TAF12: variants seen among roughly 807,000 people sequenced by gnomAD.
TAF12 encodes transcription initiation factor TFIID subunit 12.
In TAF12, 3 loss-of-function variants were observed where a neutral mutation model predicts 20.8. The ratio of observed to expected loss-of-function variants is 0.14; its 90% confidence interval spans 0.07 to 0.37. The LOEUF (loss-of-function observed/expected upper bound fraction) is 0.37, where lower values mean the gene tolerates loss of function less well. Ranked by LOEUF, TAF12 falls within the 10% of genes least tolerant of loss-of-function variation. The pLI is 1.00. For missense variants in TAF12, 131 were observed against 197.9 expected, an observed-to-expected ratio of 0.66 and a Z score of 2.03; for synonymous variants, 69 against 70.2, an observed-to-expected ratio of 0.98 and a Z score of 0.09.
chr1:28,646,731 C>T (rs1245422692), upstream of TAF12, among the ~76,000 whole-genome samples: 1 of 143,778 alleles, frequency 7.0e-6, no homozygotes, highest in Non-Finnish European at 1.5e-5. Context: ...CAGAGTCTCA[C>T]TCTGTCGCCC....
At chr1:28,641,868 A>T (rs187289431) in intron 1 of TAF12, among the ~76,000 whole-genome samples, 1 of 152,200 alleles carries the variant, frequency 6.6e-6, no homozygotes, top group East Asian at 1.9e-4. Context: ...TTTAAGGAAC[A>T]TTAACCAAGC....
intron 1 of TAF12, among the ~76,000 whole-genome samples, chr1:28,630,218 T>C (rs986773338): frequency 1.3e-5 from 2 of 152,100 alleles, no homozygotes; most frequent in East Asian, 3.8e-4. Flanking sequence ...AGTGCTGGGA[T>C]TATAGGCACA....
At position 28,603,090 on chromosome 1, in the gene TAF12, CCT is replaced by C. The variant is rs4252996; in HGVS notation, c.*447_*448del. 2,260 of 154,838 alleles carry C rather than the reference CCT, an allele frequency of 0.015. 48 individuals are homozygous for C. The highest frequency in any genetic ancestry group is 0.051 in the African/African-American group (2,130 of 41,554). The allele number at this position is 154,838 out of a possible 1,614,324, so 9.6% of individuals were successfully genotyped here. ...ACTCCCTCTGGGATTTCAAAGGTAC[CCT>C]GTCTTTCGATTAATAACTTCTTTAT... On this transcript the variant is annotated 3_prime_UTR_variant, in exon 6 of 6. Transcript: ENST00000373824.
intron 1 of TAF12, among the ~76,000 whole-genome samples, chr1:28,629,198 A>G (rs967984913): frequency 7.2e-5 from 11 of 152,196 alleles, no homozygotes; most frequent in African/African-American, 2.7e-4. Flanking sequence ...TGGGTGGCCT[A>G]TGGGACCAAG....
intron 1 of TAF12, among the ~76,000 whole-genome samples, chr1:28,640,234 T>C (rs1667987747): frequency 6.6e-6 from 1 of 152,224 alleles, no homozygotes; most frequent in African/African-American, 2.4e-5. Flanking sequence ...TTTTCTATCT[T>C]GAATAATCTA....
At chr1:28,615,880 G>T (rs1375233032) in intron 3 of TAF12, among the ~76,000 whole-genome samples, 1 of 152,036 alleles carries the variant, frequency 6.6e-6, no homozygotes, top group Non-Finnish European at 1.5e-5. Flanking sequence ...CTGCTAGAGT[G>T]AACCGAGACC....
chr1:28,620,354 G>A (rs1307062868), intron 2 of TAF12, among the ~76,000 whole-genome samples: 4 of 151,830 alleles, frequency 2.6e-5, no homozygotes, highest in East Asian at 3.9e-4. Context: ...GGCTGGTCTC[G>A]AACTCTTGAC....
At chr1:28,622,360 G>GAAAAAAAAAA (rs1033224931) in intron 1 of TAF12, among the ~76,000 whole-genome samples, 195 bp from the exon 2 acceptor site, 1 of 78,004 alleles carries the variant, frequency 1.3e-5, no homozygotes. Flanking sequence ...TCTCTACCAA[G>GAAAAAAAAAA]AAAAAAAAAA....
At chr1:28,636,665 G>C (rs1312340254) in intron 1 of TAF12, among the ~76,000 whole-genome samples, 1 of 151,894 alleles carries the variant, frequency 6.6e-6, no homozygotes, top group East Asian at 1.9e-4. Context: ...GCCAGGCGTG[G>C]TGGCATGCAG....
chr1:28,603,476 G>A lies in TAF12; in HGVS notation c.*63C>T, dbSNP rs1666570009. On this transcript the variant is annotated 3_prime_UTR_variant, in exon 6 of 6. Coordinates refer to ENST00000373824, the MANE Select transcript of TAF12 (RefSeq NM_005644.4). The stretch of plus-strand genomic sequence containing the variant: ...AAAAAAAAAATCCAAGGATGAGATG[G>A]CTGAGTTCTCAGCTCAAGTATCTCC... 1 of 1,568,160 alleles carries A rather than the reference G, an allele frequency of 6.4e-7. No individual in the cohort carries two copies. Among genetic ancestry groups the A allele is most frequent in the South Asian group, 1.1e-5 (1 of 88,572 alleles).
At chr1:28,624,684 T>C (rs931601446) in intron 1 of TAF12, among the ~76,000 whole-genome samples, 3 of 151,918 alleles carry the variant, frequency 2.0e-5, no homozygotes, top group Non-Finnish European at 4.4e-5. Flanking sequence ...GAGGCAGAGG[T>C]TGCAGTGAGC....
intron 1 of TAF12, among the ~76,000 whole-genome samples, chr1:28,626,087 T>C (rs1570320125): frequency 6.6e-6 from 1 of 151,580 alleles, no homozygotes; most frequent in African/African-American, 2.4e-5. Flanking sequence ...TTCAAGCAAT[T>C]CCTGCCTCAG....
chr1:28,630,970 G>A (rs1426173808), intron 1 of TAF12, among the ~76,000 whole-genome samples: 3 of 150,956 alleles, frequency 2.0e-5, no homozygotes, highest in Non-Finnish European at 3.0e-5. Flanking sequence ...ACTTGAACCC[G>A]GGAGGCGGAG....
intron 1 of TAF12, among the ~76,000 whole-genome samples, chr1:28,638,936 C>T (rs1041049693): frequency 1.3e-5 from 2 of 151,558 alleles, no homozygotes; most frequent in South Asian, 4.2e-4. Flanking sequence ...CGACTATAGG[C>T]GCCCGTGCCC....
At chr1:28,635,406 C>A (rs557324728) in intron 1 of TAF12, among the ~76,000 whole-genome samples, 1 of 148,496 alleles carries the variant, frequency 6.7e-6, no homozygotes, top group African/African-American at 2.5e-5. Context: ...CCTGGGCTCA[C>A]ACCATTCTCC....
chr1:28,613,488 T>C, intron 3 of TAF12, 127 bp from the exon 4 acceptor site: 2 of 769,060 alleles, frequency 2.6e-6, no homozygotes, highest in Admixed American at 5.1e-5. Context: ...GGAATCAGCA[T>C]TTGGGCTAAG....
intron 1 of TAF12, among the ~76,000 whole-genome samples, chr1:28,625,194 T>C (rs911658191): frequency 2.6e-5 from 4 of 152,162 alleles, no homozygotes; most frequent in Admixed American, 6.5e-5. Flanking sequence ...TTGCACAAAA[T>C]AAGTGGAGAC....
chr1:28,611,148 A>T (rs1666848509), intron 4 of TAF12, among the ~76,000 whole-genome samples: 1 of 151,816 alleles, frequency 6.6e-6, no homozygotes, highest in Non-Finnish European at 1.5e-5. Context: ...TTAGCTGCTT[A>T]GCTGCCACAT....
At chr1:28,616,395 CAA>C (rs534264411) in intron 3 of TAF12, among the ~76,000 whole-genome samples, 32 of 73,116 alleles carry the variant, frequency 4.4e-4, no homozygotes, top group Non-Finnish European at 5.1e-4. Context: ...GATTCTGTCT[CAA>C]AAAAAAAAAA....
Sources: allele counts gnomAD v4.1 joint callset (sites outside exome capture counted in the v4.1 genomes callset), GRCh38; gene constraint gnomAD v4.1.1; transcripts MANE v1.5; gene names NCBI Gene and HGNC (gene_info 2026-07-23, HGNC 2026-07-21).